UBASH3B: variants seen among roughly 807,000 people sequenced by gnomAD.
The protein encoded by UBASH3B is ubiquitin-associated and SH3 domain-containing protein B.
A neutral mutation model predicts 83.4 loss-of-function variants in UBASH3B; 37 were observed. That is an observed-to-expected ratio of 0.44 (90% CI 0.34 to 0.58). UBASH3B has a LOEUF of 0.58. Ranked by LOEUF, UBASH3B falls within the 20% of genes least tolerant of loss-of-function variation. The pLI, the probability that UBASH3B is intolerant of heterozygous loss-of-function variation, is 0.01. For missense variants in UBASH3B, 657 were observed against 827.2 expected, an observed-to-expected ratio of 0.79 and a Z score of 2.52; for synonymous variants, 304 against 318.3, an observed-to-expected ratio of 0.96 and a Z score of 0.48.
intron 1 of UBASH3B, among the ~76,000 whole-genome samples, chr11:122,685,488 C>T (rs1236089357): frequency 6.6e-6 from 1 of 152,184 alleles, no homozygotes; most frequent in Non-Finnish European, 1.5e-5. Flanking sequence ...GTGTTTTAAT[C>T]TGACACATCC....
intron 13 of UBASH3B, 64 bp downstream of exon 13, chr11:122,808,240 G>A: frequency 8.0e-7 from 1 of 1,249,666 alleles, no homozygotes; most frequent in Non-Finnish European, 1.2e-6. Context: ...ACAGTGACTG[G>A]CTGATTACCA....
chr11:122,677,445 C>T (rs1345666712), intron 1 of UBASH3B, among the ~76,000 whole-genome samples: 2 of 152,162 alleles, frequency 1.3e-5, no homozygotes, highest in Non-Finnish European at 2.9e-5. Flanking sequence ...TGTTTATGTG[C>T]GTCTGTGCTG....
chr11:122,789,325 A>C lies in UBASH3B; in HGVS notation c.980+17A>C, dbSNP rs1322935384. On this transcript the variant is annotated intron_variant, in intron 6 of 13. Transcript: ENST00000284273. ...ATTTCATGGGTAAGCAGACACAAAG[A>C]CCTTTATGCCATTTGAAGAATGTTG... 3 of 1,613,480 alleles carry C rather than the reference A, an allele frequency of 1.9e-6. No homozygotes were observed. Among genetic ancestry groups the C allele is most frequent in the Non-Finnish European group, 2.5e-6 (3 of 1,179,526 alleles).
In UBASH3B at chr11:122,794,792, C is replaced by T. The variant is rs1333161336; in HGVS notation, c.1071C>T (p.Leu357=). 1.6e-5 allele frequency: 26 copies of T among 1,613,862 alleles called. No homozygotes were observed. The highest frequency in any genetic ancestry group is 1.3e-4 in the Admixed American group (8 of 59,976). ...LERRPYEDQG[L]GETTPLTIIC... ...GGCGGCCTTATGAGGACCAGGGGCT[C>T]GGGGAGACGACTCCTCTTACTATCA... Residue 357 remains leucine, a synonymous_variant, in exon 7 of 14, where the codon CTC becomes CTT. Transcript: ENST00000284273.
intron 1 of UBASH3B, among the ~76,000 whole-genome samples, chr11:122,720,434 T>C (rs7932783): frequency 0.031 from 4,711 of 152,286 alleles, 237 homozygotes; most frequent in African/African-American, 0.11. Flanking sequence ...TGCTTTCTTG[T>C]AGTCTCTTCT....
chr11:122,687,794 C>T (rs918704590), intron 1 of UBASH3B, among the ~76,000 whole-genome samples: 1 of 152,112 alleles, frequency 6.6e-6, no homozygotes, highest in Non-Finnish European at 1.5e-5. Flanking sequence ...TCATCTTCTT[C>T]CTGGTGCTCC....
chr11:122,661,548 G>GCTCT lies in UBASH3B; in HGVS notation c.161+5339_161+5342dup, dbSNP rs1412208649. On this transcript the variant is annotated intron_variant, in intron 1 of 13. Coordinates refer to ENST00000284273, the MANE Select transcript of UBASH3B (RefSeq NM_032873.5). ...ACTGGAACCCACCTGGAGCTGAAGGGCTCTTATAGGTGGGCAGGGCAAGGA... is the reference window on the plus strand; with the variant it reads ...ACTGGAACCCACCTGGAGCTGAAGGGCTCTCTCTTATAGGTGGGCAGGGCAAGGA... Among the ~76,000 whole-genome samples the GCTCT allele has an allele frequency of 7.9e-5, 12 of 152,292 alleles. No individual in the cohort carries two copies. The East Asian group carries it at 2.3e-3, about 29-fold the overall frequency.
intron 1 of UBASH3B, among the ~76,000 whole-genome samples, chr11:122,760,475 C>G (rs1861352078): frequency 6.6e-6 from 1 of 152,118 alleles, no homozygotes; most frequent in Admixed American, 6.5e-5. Flanking sequence ...ATTCTCCTGC[C>G]TCGGCCTCCC....
intron 1 of UBASH3B, among the ~76,000 whole-genome samples, chr11:122,772,277 T>G (rs1356047336): frequency 6.6e-6 from 1 of 152,186 alleles, no homozygotes; most frequent in Non-Finnish European, 1.5e-5. Context: ...TATTGCATTG[T>G]AAGAAGCTGC....
At chr11:122,732,989 A>C (rs539190922) in intron 1 of UBASH3B, among the ~76,000 whole-genome samples, 3 of 152,326 alleles carry the variant, frequency 2.0e-5, no homozygotes, top group Non-Finnish European at 2.9e-5. Context: ...CTATACCTAC[A>C]TAATATCAAG....
At chr11:122,794,158 C>T (rs1392851345) in intron 6 of UBASH3B, among the ~76,000 whole-genome samples, 1 of 152,130 alleles carries the variant, frequency 6.6e-6, no homozygotes, top group Non-Finnish European at 1.5e-5. Context: ...ATATATCTGT[C>T]CTCAGTGCAG....
rs1461148612 is a variant in UBASH3B, at chr11:122,810,431, C to T, written c.*545C>T. The T allele has an allele frequency of 6.5e-6, 1 of 152,824 alleles. No individual in the cohort carries two copies. Among genetic ancestry groups the T allele is most frequent in the East Asian group, 1.9e-4 (1 of 5,198 alleles). 9.5% of individuals were successfully genotyped at this position (152,824 alleles called of 1,614,324 possible). Reference sequence around the variant, plus strand: ...CATGAAATCCTACCGTCACTAGCCCCCATACACCAGTGTTGCTGGCTGAAG... The same window carrying T: ...CATGAAATCCTACCGTCACTAGCCCTCATACACCAGTGTTGCTGGCTGAAG... On this transcript the variant is annotated 3_prime_UTR_variant, in exon 14 of 14. Coordinates refer to ENST00000284273, the MANE Select transcript of UBASH3B (RefSeq NM_032873.5).
At chr11:122,688,790 GC>G (rs1157856330) in intron 1 of UBASH3B, among the ~76,000 whole-genome samples, 1 of 151,902 alleles carries the variant, frequency 6.6e-6, no homozygotes, top group East Asian at 1.9e-4. Flanking sequence ...GACTACAGGC[GC>G]CCGCCACCAC....
chr11:122,727,069 C>T (rs1194163266), intron 1 of UBASH3B, among the ~76,000 whole-genome samples: 1 of 152,182 alleles, frequency 6.6e-6, no homozygotes, highest in East Asian at 1.9e-4. Context: ...TTTTCCTCCC[C>T]TCCAGCTCTT....
chr11:122,776,038 C>T, intron 1 of UBASH3B, 181 bp from the exon 2 acceptor site: 2 of 514,748 alleles, frequency 3.9e-6, no homozygotes, highest in Non-Finnish European at 6.7e-6. Context: ...ATTACAAGTC[C>T]TAACTTCCAT....
In UBASH3B at chr11:122,656,061, C is replaced by A. The variant is rs940862514; in HGVS notation, c.12C>A (p.Tyr4Ter). The change falls in exon 1 of 14, where the codon TAC becomes TAA. Residue 4 changes from tyrosine to a stop codon, truncating the protein, a stop_gained. Transcript: ENST00000284273. LOFTEE classifies it high-confidence loss of function. ...CTGGCCGCTGAGCCATGGCTCAGTA[C>A]GGCCACCCCAGTCCGCTCGGCATGG... MAQ[Y>*]GHPSPLGMAA... 6.3e-7 allele frequency: 1 copy of A among 1,594,196 alleles called. No homozygotes were observed. Among genetic ancestry groups the A allele is most frequent in the African/African-American group, 1.4e-5 (1 of 73,648 alleles).
chr11:122,685,395 A>G (rs746555442), intron 1 of UBASH3B, among the ~76,000 whole-genome samples: 9 of 152,218 alleles, frequency 5.9e-5, no homozygotes, highest in Non-Finnish European at 1.2e-4. Flanking sequence ...TGTCATTCTT[A>G]CCTAGGGTAG....
intron 1 of UBASH3B, among the ~76,000 whole-genome samples, chr11:122,765,971 T>G (rs1188866715): frequency 6.6e-6 from 1 of 152,196 alleles, no homozygotes. Flanking sequence ...GTATGCAGTC[T>G]CCTGTATTAA....
intron 1 of UBASH3B, among the ~76,000 whole-genome samples, chr11:122,662,707 A>T (rs1863462171): frequency 6.6e-6 from 1 of 152,170 alleles, no homozygotes; most frequent in Non-Finnish European, 1.5e-5. Flanking sequence ...CTGGGATTAC[A>T]GGCATGAGAC....
Sources: gnomAD v4.1 joint callset for allele counts (sites outside exome capture counted in the v4.1 genomes callset) on GRCh38, gnomAD v4.1.1 for gene constraint, MANE v1.5 for transcripts, NCBI Gene and HGNC (gene_info 2026-07-23, HGNC 2026-07-21) for gene names.